The following KCNIP1 variants were observed in gnomAD, a reference collection of about 807,000 sequenced individuals.
KCNIP1 encodes the protein A-type potassium channel modulatory protein KCNIP1.
In KCNIP1, 18 loss-of-function variants were observed where a neutral mutation model predicts 33.0. The ratio of observed to expected loss-of-function variants is 0.55; its 90% CI spans 0.38 to 0.81. KCNIP1 has a LOEUF of 0.81. KCNIP1 is among the 30% of genes least tolerant of loss of function. The probability of loss-of-function intolerance (pLI) is 0.00; values close to 1 mark genes in which losing one functional copy is unlikely to be tolerated. For synonymous variants in KCNIP1, 93 were observed against 98.3 expected (o/e 0.95, Z 0.32); for missense variants, 238 against 271.6 (o/e 0.88, Z 0.87).
At chr5:170,499,614 G>A (rs1282965667), upstream of KCNIP1, among the ~76,000 whole-genome samples, 1 of 152,210 alleles carries the variant, frequency 6.6e-6, no homozygotes, top group Non-Finnish European at 1.5e-5. Flanking sequence ...CTACCTCTGT[G>A]CCTGGAAGGA....
chr5:170,536,474 C>T (rs1202542714), intron 1 of KCNIP1, among the ~76,000 whole-genome samples: 1 of 152,222 alleles, frequency 6.6e-6, no homozygotes, highest in Non-Finnish European at 1.5e-5. Flanking sequence ...TGGCCAGAAC[C>T]TGTTCTCTCC....
intron 1 of KCNIP1, among the ~76,000 whole-genome samples, chr5:170,438,853 C>T (rs908264110): frequency 5.3e-5 from 8 of 152,288 alleles, no homozygotes; most frequent in East Asian, 1.9e-4. Flanking sequence ...CTGTACCGAG[C>T]GGCACACTGT....
chr5:170,667,269 G>T (rs1385819662), intron 1 of KCNIP1, among the ~76,000 whole-genome samples: 1 of 150,180 alleles, frequency 6.7e-6, no homozygotes, highest in Non-Finnish European at 1.5e-5. Context: ...CCAAGATCGT[G>T]CCATTGCACT....
At chr5:170,485,949 C>T (rs1279188013) in intron 1 of KCNIP1, 1 of 152,316 alleles carries the variant, frequency 6.6e-6, no homozygotes, top group Non-Finnish European at 1.5e-5. Flanking sequence ...CGCGTTTTCT[C>T]ATTTTATCGT....
At chr5:170,608,578 C>G (rs545598597) in intron 1 of KCNIP1, among the ~76,000 whole-genome samples, 3 of 152,078 alleles carry the variant, frequency 2.0e-5, no homozygotes, top group Non-Finnish European at 4.4e-5. Flanking sequence ...TTGAGACCAG[C>G]CTGGCCAACA....
At chr5:170,513,951 C>G (rs1755031766) in intron 1 of KCNIP1, among the ~76,000 whole-genome samples, 1 of 152,114 alleles carries the variant, frequency 6.6e-6, no homozygotes, top group African/African-American at 2.4e-5. Flanking sequence ...CATTATTATT[C>G]TCACTTTGCA....
intron 4 of KCNIP1, 94 bp downstream of exon 4, chr5:170,721,997 A>C: frequency 1.1e-5 from 15 of 1,407,934 alleles, no homozygotes; most frequent in Non-Finnish European, 1.5e-5. Context: ...CTGGACCATC[A>C]AAAGCTCTCA....
chr5:170,383,860 C>A, intron 1 of KCNIP1: 1 of 1,613,316 alleles, frequency 6.2e-7, no homozygotes, highest in Non-Finnish European at 8.5e-7. Context: ...GCTGAGGAGA[C>A]CACACACATG....
chr5:170,672,345 C>T (rs1266666048), intron 1 of KCNIP1, among the ~76,000 whole-genome samples: 1 of 152,210 alleles, frequency 6.6e-6, no homozygotes, highest in Non-Finnish European at 1.5e-5. Flanking sequence ...ATGGAGAACT[C>T]CCTCTCGAAG....
intron 1 of KCNIP1, among the ~76,000 whole-genome samples, chr5:170,600,066 G>A (rs999579239): frequency 3.3e-5 from 5 of 152,188 alleles, no homozygotes; most frequent in African/African-American, 1.2e-4. Context: ...ACCCTGTGGT[G>A]TAGGTTCTCT....
At chr5:170,734,592 C>T (rs1764317999) in intron 7 of KCNIP1, among the ~76,000 whole-genome samples, 1 of 152,164 alleles carries the variant, frequency 6.6e-6, no homozygotes, top group Non-Finnish European at 1.5e-5. Context: ...CCACCAGAGA[C>T]TGAACTGGAA....
At chr5:170,565,734 CCA>C (rs1442796034) in intron 1 of KCNIP1, among the ~76,000 whole-genome samples, 1 of 152,114 alleles carries the variant, frequency 6.6e-6, no homozygotes, top group African/African-American at 2.4e-5. Flanking sequence ...TTTAATCCTG[CCA>C]CTTTCTCCAT....
intron 1 of KCNIP1, among the ~76,000 whole-genome samples, chr5:170,441,311 G>A (rs1755981802): frequency 6.6e-6 from 1 of 152,134 alleles, no homozygotes; most frequent in Non-Finnish European, 1.5e-5. Context: ...TTTGTAGAGA[G>A]GCTTTGTGAT....
chr5:170,354,316 T>G (rs1763289013), intron 1 of KCNIP1, among the ~76,000 whole-genome samples: 1 of 152,182 alleles, frequency 6.6e-6, no homozygotes, highest in African/African-American at 2.4e-5. Context: ...TTGTATTTTG[T>G]TGATAAAAGA....
intron 1 of KCNIP1, among the ~76,000 whole-genome samples, chr5:170,706,723 T>G (rs1348898496): frequency 6.6e-6 from 1 of 152,194 alleles, no homozygotes; most frequent in Admixed American, 6.5e-5. Context: ...CTTTGAGCGA[T>G]TCCTTCAACC....
At chr5:170,611,244 C>T (rs891491425) in intron 1 of KCNIP1, among the ~76,000 whole-genome samples, 2 of 152,214 alleles carry the variant, frequency 1.3e-5, no homozygotes, top group Non-Finnish European at 2.9e-5. Context: ...TAGAATGTAT[C>T]TGGTTCAAGC....
At chr5:170,570,277 G>A (rs957780188) in intron 1 of KCNIP1, among the ~76,000 whole-genome samples, 1 of 152,218 alleles carries the variant, frequency 6.6e-6, no homozygotes, top group African/African-American at 2.4e-5. Flanking sequence ...AATGATAGCT[G>A]CTATAGTCTT....
chr5:170,730,757 G>A (rs1764165868), intron 5 of KCNIP1, among the ~76,000 whole-genome samples: 1 of 151,846 alleles, frequency 6.6e-6, no homozygotes, highest in Non-Finnish European at 1.5e-5. Flanking sequence ...TCTTCTTGAA[G>A]AATAGTTGAT....
At chr5:170,711,488 T>G (rs1372626991) in intron 1 of KCNIP1, among the ~76,000 whole-genome samples, 1 of 152,330 alleles carries the variant, frequency 6.6e-6, no homozygotes, top group African/African-American at 2.4e-5. Flanking sequence ...AGTGGATACA[T>G]GACGTCATGC....
Sources: gnomAD v4.1 joint callset for allele counts (sites outside exome capture counted in the v4.1 genomes callset) on GRCh38, gnomAD v4.1.1 for gene constraint, MANE v1.5 for transcripts, NCBI Gene and HGNC (gene_info 2026-07-23, HGNC 2026-07-21) for gene names.